Variants in INPP5A observed in about 807,000 individuals in gnomAD.
INPP5A encodes the protein inositol polyphosphate-5-phosphatase A, also known as 43 kDa inositol polyphosphate 5-phophatase.
INPP5A carries 14 observed loss-of-function variants against 65.2 expected under a neutral mutation model. That is an observed-to-expected ratio of 0.21 (90% CI 0.14 to 0.34). INPP5A has a LOEUF of 0.34. Ranked by LOEUF, INPP5A falls within the 10% of genes least tolerant of loss-of-function variation. The pLI is 1.00. For missense variants in INPP5A, 431 were observed against 545.6 expected (o/e 0.79, Z 2.09); for synonymous variants, 207 against 208.3 (o/e 0.99, Z 0.05).
intron 11 of INPP5A, among the ~76,000 whole-genome samples, chr10:132,752,719 G>A (rs929157993): frequency 2.0e-5 from 3 of 151,088 alleles, no homozygotes; most frequent in East Asian, 2.0e-4. Flanking sequence ...GAGGCGGTGC[G>A]GCATGGAGGG....
intron 1 of INPP5A, among the ~76,000 whole-genome samples, chr10:132,594,333 C>A (rs748750048): frequency 1.3e-5 from 2 of 152,222 alleles, no homozygotes; most frequent in African/African-American, 4.8e-5. Context: ...AAAGGACAGA[C>A]GTGGCTAGTG....
intron 11 of INPP5A, among the ~76,000 whole-genome samples, chr10:132,763,765 C>T (rs926805196): frequency 2.0e-5 from 3 of 151,280 alleles, no homozygotes; most frequent in African/African-American, 2.4e-5. Flanking sequence ...ACACACATGC[C>T]GTTGCACACA....
At chr10:132,723,414 A>G (rs1448247480) in intron 8 of INPP5A, among the ~76,000 whole-genome samples, 2 of 152,088 alleles carry the variant, frequency 1.3e-5, no homozygotes, top group African/African-American at 2.4e-5. Context: ...TGTTCCTGCG[A>G]CACCGCACAC....
Position 132,753,231 on chromosome 10 carries a change from C to T in INPP5A, c.903+3386C>T, listed in dbSNP as rs1238813709. On this transcript the variant is annotated intron_variant, in intron 11 of 15. Coordinates refer to ENST00000368594, the MANE Select transcript of INPP5A (RefSeq NM_005539.5). This position sits in a 1 kb window ranked among gnomAD's most constrained non-coding sequence, Gnocchi z 5.3. ...CCCAGAAATTGGCAGTTGTCCCCATCGACGGAGGGTCAAGGTGGTCGGACG... is the reference window on the plus strand; with the variant it reads ...CCCAGAAATTGGCAGTTGTCCCCATTGACGGAGGGTCAAGGTGGTCGGACG... Among the ~76,000 whole-genome samples the T allele has an allele frequency of 6.6e-6, 1 of 152,114 alleles. No individual in the cohort carries two copies. The highest frequency in any genetic ancestry group is 1.9e-4 in the East Asian group (1 of 5,188).
chr10:132,540,415 A>G (rs1052727138), intron 1 of INPP5A, among the ~76,000 whole-genome samples: 14 of 152,226 alleles, frequency 9.2e-5, no homozygotes, highest in African/African-American at 1.7e-4. Context: ...GTTTAGGTCA[A>G]CAGTACATAG....
intron 8 of INPP5A, among the ~76,000 whole-genome samples, chr10:132,716,863 C>T (rs1845748813): frequency 1.3e-5 from 2 of 152,366 alleles, no homozygotes; most frequent in South Asian, 4.1e-4. Flanking sequence ...CCCTGCACAG[C>T]CCTCCTGCCG....
At chr10:132,682,419 C>A (rs1035247572) in intron 4 of INPP5A, among the ~76,000 whole-genome samples, 2 of 152,226 alleles carry the variant, frequency 1.3e-5, no homozygotes, top group Non-Finnish European at 2.9e-5. Flanking sequence ...TTTACCACAG[C>A]CACACAGTTC....
intron 12 of INPP5A, among the ~76,000 whole-genome samples, chr10:132,771,695 GCCACGGCAGCCACC>G (rs1846953679): frequency 8.7e-6 from 1 of 114,422 alleles, no homozygotes; most frequent in South Asian, 2.7e-4. Context: ...TGACACAGAG[GCCACGGCAGCCACC>G]CCATGAAGAG....
intron 8 of INPP5A, among the ~76,000 whole-genome samples, chr10:132,713,028 A>G (rs1178155720): frequency 6.9e-6 from 1 of 144,374 alleles, no homozygotes; most frequent in Non-Finnish European, 1.5e-5. Flanking sequence ...GTATGTATGT[A>G]TGTGTGCGTG....
At chr10:132,594,081 CAT>C (rs1253869383) in intron 1 of INPP5A, among the ~76,000 whole-genome samples, 18 of 152,280 alleles carry the variant, frequency 1.2e-4, no homozygotes, top group African/African-American at 3.1e-4. Context: ...GTGGCACACA[CAT>C]GAGTGCACAC....
At chr10:132,569,510 C>T (rs2071311655) in intron 1 of INPP5A, among the ~76,000 whole-genome samples, 1 of 152,164 alleles carries the variant, frequency 6.6e-6, no homozygotes, top group Non-Finnish European at 1.5e-5. Context: ...GAATGTGCCA[C>T]CATGACCGCC....
At chr10:132,759,275 T>G (rs1171012504) in intron 11 of INPP5A, among the ~76,000 whole-genome samples, 2 of 152,108 alleles carry the variant, frequency 1.3e-5, no homozygotes, top group African/African-American at 2.4e-5. Context: ...CCCGGGGTAG[T>G]GAGGGGTCCT....
chr10:132,719,488 T>C (rs1845818870), intron 8 of INPP5A, among the ~76,000 whole-genome samples: 1 of 148,148 alleles, frequency 6.8e-6, no homozygotes, highest in African/African-American at 2.6e-5. Flanking sequence ...TTGCGGGTTC[T>C]GTGGTACCTG....
intron 1 of INPP5A, among the ~76,000 whole-genome samples, chr10:132,604,059 G>A (rs1167997563): frequency 3.5e-5 from 5 of 143,294 alleles, no homozygotes; most frequent in Non-Finnish European, 4.5e-5. Flanking sequence ...TCTCTGTCCC[G>A]CCCTGTGCCG....
At chr10:132,658,658 G>A (rs1003900318) in intron 4 of INPP5A, among the ~76,000 whole-genome samples, 4 of 152,188 alleles carry the variant, frequency 2.6e-5, no homozygotes, top group African/African-American at 9.6e-5. Flanking sequence ...GGTGCTCATG[G>A]GTGCCCGGGT....
chr10:132,749,416 TG>T, intron 9 of INPP5A, 100 bp from the exon 10 acceptor site: 3 of 1,078,648 alleles, frequency 2.8e-6, no homozygotes, highest in Non-Finnish European at 4.1e-6. Flanking sequence ...AGCTGCTGTC[TG>T]GAACCAGCCA....
chr10:132,643,418 C>T (rs573125928), intron 2 of INPP5A, among the ~76,000 whole-genome samples: 12 of 152,180 alleles, frequency 7.9e-5, no homozygotes, highest in South Asian at 2.1e-4. Flanking sequence ...GGAGATCACT[C>T]GAGCCCAGGA....
intron 2 of INPP5A, among the ~76,000 whole-genome samples, chr10:132,619,511 AT>A (rs2072084627): frequency 6.6e-6 from 1 of 152,002 alleles, no homozygotes; most frequent in Non-Finnish European, 1.5e-5. Context: ...TGGATATACC[AT>A]TTTGGGATCT....
rs1315211181 is a variant in INPP5A at position 132,706,364 on chromosome 10, T to C, written c.475-1949T>C. Among the ~76,000 whole-genome samples, 1 of 152,240 alleles carries C rather than the reference T, an allele frequency of 6.6e-6. No homozygotes were observed. The highest frequency in any genetic ancestry group is 1.9e-4 in the East Asian group (1 of 5,200). ...TAAGGGGAAATTCTTAAAAATTTAA[T>C]TCCCGAGCACAATTTGGATACAGAG... On this transcript the variant is annotated intron_variant, in intron 6 of 15. Coordinates refer to ENST00000368594, the MANE Select transcript of INPP5A (RefSeq NM_005539.5). The surrounding 1 kb of genome is among the most constrained non-coding windows in gnomAD (Gnocchi z 4.7).
Sources: allele counts gnomAD v4.1 joint callset (sites outside exome capture counted in the v4.1 genomes callset), GRCh38; gene constraint gnomAD v4.1.1; non-coding constraint Gnocchi (gnomAD v3.1); transcripts MANE v1.5; gene names NCBI Gene and HGNC (gene_info 2026-07-23, HGNC 2026-07-21).